CDC42SE2: variants seen among roughly 807,000 people sequenced by gnomAD.
CDC42SE2 encodes CDC42 small effector protein 2.
In CDC42SE2, 3 loss-of-function variants were observed where a neutral mutation model predicts 11.5. The observed-to-expected ratio is 0.26, with a 90% CI of 0.12 to 0.67. The LOEUF (loss-of-function observed/expected upper bound fraction) is 0.67. Ranked by LOEUF, CDC42SE2 falls within the 30% of genes least tolerant of loss-of-function variation. The pLI, the probability that CDC42SE2 is intolerant of heterozygous loss-of-function variation, is 0.80. For missense variants in CDC42SE2, 82 were observed against 106.8 expected, an observed-to-expected ratio of 0.77 and a Z score of 1.02; for synonymous variants, 33 against 34.8, an observed-to-expected ratio of 0.95 and a Z score of 0.18.
intron 1 of CDC42SE2, among the ~76,000 whole-genome samples, chr5:131,282,421 G>T (rs1757254800): frequency 6.6e-6 from 1 of 152,198 alleles, no homozygotes; most frequent in Admixed American, 6.6e-5. Context: ...CCTGAGTACA[G>T]TGATGACACA....
chr5:131,231,781 T>A, the CDC42SE2 span, among the ~76,000 whole-genome samples: 8 of 151,090 alleles, frequency 5.3e-5, no homozygotes, highest in South Asian at 1.0e-3. Context: ...GTTATACTTT[T>A]TTTTCTTTTT....
At chr5:131,312,807 GGT>G (rs1757953646) in intron 1 of CDC42SE2, among the ~76,000 whole-genome samples, 1 of 151,954 alleles carries the variant, frequency 6.6e-6, no homozygotes. Flanking sequence ...GCTTGCAAAC[GGT>G]GTGCGCACCC....
intron 2 of CDC42SE2, among the ~76,000 whole-genome samples, chr5:131,319,035 G>A (rs1004615685): frequency 3.3e-5 from 5 of 152,082 alleles, no homozygotes; most frequent in Non-Finnish European, 5.9e-5. Flanking sequence ...CTGAGTAGCC[G>A]GGATTACAGG....
the CDC42SE2 span, among the ~76,000 whole-genome samples, chr5:131,211,214 C>T: frequency 6.6e-6 from 1 of 152,202 alleles, no homozygotes; most frequent in African/African-American, 2.4e-5. Context: ...CTTAATTTCA[C>T]AAATTTGGTA....
At chr5:131,339,822 AAGAGAG>A (rs368932993) in intron 2 of CDC42SE2, among the ~76,000 whole-genome samples, 1 of 151,384 alleles carries the variant, frequency 6.6e-6, no homozygotes, top group African/African-American at 2.5e-5. Context: ...AAAAAAAAAA[AAGAGAG>A]AGAAAATTAT....
At chr5:131,340,303 C>T (rs148236059) in intron 2 of CDC42SE2, among the ~76,000 whole-genome samples, 116 of 152,214 alleles carry the variant, frequency 7.6e-4, no homozygotes, top group South Asian at 6.4e-3. Context: ...AATTTTGAAC[C>T]GTCATGCTGT....
intron 1 of CDC42SE2, among the ~76,000 whole-genome samples, chr5:131,315,471 C>T (rs758372761): frequency 3.3e-5 from 5 of 152,216 alleles, no homozygotes; most frequent in Non-Finnish European, 7.4e-5. Context: ...TAATTGTGAG[C>T]CAGGTTGTAA....
At chr5:131,321,212 T>G (rs1758179537) in intron 2 of CDC42SE2, among the ~76,000 whole-genome samples, 2 of 152,216 alleles carry the variant, frequency 1.3e-5, no homozygotes, top group African/African-American at 4.8e-5. Context: ...GTTTAGTTCA[T>G]CGTATTCTCA....
intron 2 of CDC42SE2, among the ~76,000 whole-genome samples, chr5:131,348,971 C>T (rs1294443879): frequency 6.6e-6 from 1 of 152,160 alleles, no homozygotes; most frequent in Admixed American, 6.5e-5. Flanking sequence ...CTTCCCTACA[C>T]CCTATACAAA....
chr5:131,256,083 G>A (rs990360809), intron 2 of CDC42SE2, among the ~76,000 whole-genome samples: 16 of 152,148 alleles, frequency 1.1e-4, no homozygotes, highest in African/African-American at 3.1e-4. Context: ...TCAGAGAATG[G>A]CACCATATGC....
At chr5:131,342,967 C>T (rs1758748563) in intron 2 of CDC42SE2, among the ~76,000 whole-genome samples, 1 of 152,152 alleles carries the variant, frequency 6.6e-6, no homozygotes. Flanking sequence ...CCCACTTCAG[C>T]TTTCCAATGT....
At chr5:131,284,543 T>C (rs999674198) in intron 1 of CDC42SE2, among the ~76,000 whole-genome samples, 1 of 152,148 alleles carries the variant, frequency 6.6e-6, no homozygotes, top group Admixed American at 6.5e-5. Context: ...GTGATCATAC[T>C]TGGTGTAACC....
At chr5:131,267,348 C>T (rs1410928340) in intron 1 of CDC42SE2, among the ~76,000 whole-genome samples, 2 of 151,900 alleles carry the variant, frequency 1.3e-5, no homozygotes, top group South Asian at 4.1e-4. Flanking sequence ...TGAGCCACCA[C>T]GCCAGGCCAT....
intron 3 of CDC42SE2, among the ~76,000 whole-genome samples, chr5:131,370,741 T>C (rs17515610): frequency 0.069 from 10,556 of 152,328 alleles, 478 homozygotes; most frequent in Non-Finnish European, 0.1. Context: ...CAAATCTCCA[T>C]CTTTTCATGA....
chr5:131,333,726 G>A (rs1030695987), intron 2 of CDC42SE2, among the ~76,000 whole-genome samples: 1 of 151,998 alleles, frequency 6.6e-6, no homozygotes, highest in African/African-American at 2.4e-5. Context: ...TCTCTTTGAA[G>A]CAATTGTGAA....
At chr5:131,231,490 T>C in the CDC42SE2 span, among the ~76,000 whole-genome samples, 1 of 152,226 alleles carries the variant, frequency 6.6e-6, no homozygotes, top group Admixed American at 6.5e-5. Context: ...GTGAGTTGGC[T>C]GAATGGTTTC....
At chr5:131,215,740 AG>A in the CDC42SE2 span, among the ~76,000 whole-genome samples, 1 of 152,236 alleles carries the variant, frequency 6.6e-6, no homozygotes, top group Admixed American at 6.5e-5. Context: ...TCAGTGGAGA[AG>A]TTTCCAGAAA....
intron 2 of CDC42SE2, among the ~76,000 whole-genome samples, chr5:131,346,567 C>G (rs1323906297): frequency 6.6e-6 from 1 of 152,092 alleles, no homozygotes; most frequent in African/African-American, 2.4e-5. Flanking sequence ...GACTTTAACA[C>G]CCGACTGTCA....
intron 2 of CDC42SE2, among the ~76,000 whole-genome samples, chr5:131,317,025 G>C (rs2149730003): frequency 6.6e-6 from 1 of 152,242 alleles, no homozygotes; most frequent in South Asian, 2.1e-4. Context: ...ACTTCTTAAT[G>C]ATGTCATCAA....
Sources: allele counts gnomAD v4.1 joint callset (sites outside exome capture counted in the v4.1 genomes callset), GRCh38; gene constraint gnomAD v4.1.1; transcripts MANE v1.5; gene names NCBI Gene and HGNC (gene_info 2026-07-23, HGNC 2026-07-21).